MYO16: variants seen among roughly 807,000 people sequenced by gnomAD.
MYO16 encodes unconventional myosin-XVI.
A neutral mutation model predicts 205.3 loss-of-function variants in MYO16; 94 were observed. The observed-to-expected ratio is 0.46, with a 90% confidence interval of 0.39 to 0.54. The LOEUF (loss-of-function observed/expected upper bound fraction) is 0.54. Among genes scored for constraint, MYO16 ranks in the 20% least tolerant of loss-of-function variants. The pLI is 0.00. For missense variants in MYO16, 2,315 were observed against 2,387.5 expected (o/e 0.97, Z 0.63); for synonymous variants, 988 against 954.0 (o/e 1.04, Z -0.66).
At chr13:108,814,229 C>G (rs959391211) in intron 7 of MYO16, among the ~76,000 whole-genome samples, 1 of 152,136 alleles carries the variant, frequency 6.6e-6, no homozygotes, top group Non-Finnish European at 1.5e-5. Flanking sequence ...TTATTAGACT[C>G]TCTGATACTC....
At chr13:109,068,848 C>T (rs1887838196) in intron 27 of MYO16, among the ~76,000 whole-genome samples, 1 of 152,176 alleles carries the variant, frequency 6.6e-6, no homozygotes, top group South Asian at 2.1e-4. Context: ...ACCTTGGCCT[C>T]CCAAAGTGCT....
chr13:109,001,181 T>TAA (rs111881859), intron 21 of MYO16, among the ~76,000 whole-genome samples: 12 of 137,258 alleles, frequency 8.7e-5, no homozygotes, highest in East Asian at 8.3e-4. Flanking sequence ...ATAAAAAATT[T>TAA]AAAAAAAAAA....
At chr13:108,579,366 G>A in the MYO16 span, among the ~76,000 whole-genome samples, 3 of 151,990 alleles carry the variant, frequency 2.0e-5, no homozygotes, top group Non-Finnish European at 1.5e-5. Flanking sequence ...GCCTGGAAGA[G>A]AAATCCGTTT....
intron 31 of MYO16, among the ~76,000 whole-genome samples, chr13:109,137,292 T>A (rs1180836104): frequency 6.6e-6 from 1 of 152,138 alleles, no homozygotes; most frequent in Non-Finnish European, 1.5e-5. Flanking sequence ...GCAGGCAACA[T>A]CATCTTCTAA....
chr13:108,554,632 G>C, the MYO16 span, among the ~76,000 whole-genome samples: 1 of 152,094 alleles, frequency 6.6e-6, no homozygotes, highest in East Asian at 1.9e-4. Flanking sequence ...GGCGGATCAC[G>C]ATGTCAGGAG....
intron 4 of MYO16, among the ~76,000 whole-genome samples, chr13:108,727,918 A>G (rs1369198460): frequency 6.6e-6 from 1 of 152,242 alleles, no homozygotes; most frequent in East Asian, 1.9e-4. Flanking sequence ...AAGAGGCATA[A>G]CATTATAAGG....
intron 4 of MYO16, among the ~76,000 whole-genome samples, chr13:108,776,803 T>C (rs1252351205): frequency 1.3e-5 from 2 of 152,178 alleles, no homozygotes; most frequent in African/African-American, 4.8e-5. Flanking sequence ...ACAACAACTC[T>C]GGGAGAATTA....
intron 2 of MYO16, among the ~76,000 whole-genome samples, chr13:108,697,782 G>C (rs369387124): frequency 7.2e-5 from 11 of 152,026 alleles, no homozygotes; most frequent in African/African-American, 2.7e-4. Context: ...GAGTGCAGTG[G>C]TGTGATCCCA....
upstream of MYO16, among the ~76,000 whole-genome samples, chr13:108,594,407 G>A (rs1206242711): frequency 6.6e-6 from 1 of 151,014 alleles, no homozygotes; most frequent in Non-Finnish European, 1.5e-5. Flanking sequence ...AGGTCGTGGT[G>A]GAGAGCACTG....
At chr13:108,595,195 A>T (rs77405785), upstream of MYO16, among the ~76,000 whole-genome samples, 1 of 152,120 alleles carries the variant, frequency 6.6e-6, no homozygotes, top group East Asian at 1.9e-4. Flanking sequence ...ATACATATGG[A>T]TTTCTTTCAG....
chr13:109,029,534 A>G (rs1015353893), intron 23 of MYO16, among the ~76,000 whole-genome samples: 2 of 152,162 alleles, frequency 1.3e-5, no homozygotes, highest in Non-Finnish European at 2.9e-5. Flanking sequence ...ATTAAAAAAC[A>G]AAAAACATGA....
At chr13:108,676,403 G>GTGTGTGTGTGTGTGTGTT (rs143639000) in intron 2 of MYO16, among the ~76,000 whole-genome samples, 451 of 148,318 alleles carry the variant, frequency 3.0e-3, no homozygotes, top group Non-Finnish European at 3.5e-3. Context: ...GTGTGTGTGT[G>GTGTGTGTGTGTGTGTGTT]TGTGCCAGCC....
rs781553032 is a variant in MYO16, at chr13:109,140,237, C to T, written c.4052-27C>T. On this transcript the variant is annotated intron_variant, in intron 31 of 34. Transcript: ENST00000457511. This position sits in a 1 kb window ranked among gnomAD's most constrained non-coding sequence, Gnocchi z 8.0. ...GCACCCGTGGGCCTGGCCTGGCACC[C>T]ACTGACCGCGTCCTTTCCTGCCGCA... The T allele has an allele frequency of 1.3e-6, 2 of 1,596,126 alleles. No individual in the cohort carries two copies. Among genetic ancestry groups the T allele is most frequent in the Non-Finnish European group, 1.7e-6 (2 of 1,177,988 alleles).
intron 22 of MYO16, among the ~76,000 whole-genome samples, chr13:109,014,443 A>G (rs1410927082): frequency 6.6e-6 from 1 of 152,184 alleles, no homozygotes. Context: ...TGTCTTGGCA[A>G]TGCGGGCTCT....
intron 32 of MYO16, among the ~76,000 whole-genome samples, chr13:109,158,636 T>A (rs1452699063): frequency 6.6e-6 from 1 of 152,210 alleles, no homozygotes; most frequent in South Asian, 2.1e-4. Context: ...GATTTCATCA[T>A]GTAGATTATG....
At chr13:108,942,337 T>C (rs1243247748) in intron 16 of MYO16, among the ~76,000 whole-genome samples, 1 of 152,224 alleles carries the variant, frequency 6.6e-6, no homozygotes, top group African/African-American at 2.4e-5. Context: ...GTGTTAATAA[T>C]GTTTGAAGAA....
At chr13:108,792,808 A>C (rs750205244) in intron 5 of MYO16, among the ~76,000 whole-genome samples, 3 of 152,140 alleles carry the variant, frequency 2.0e-5, no homozygotes, top group Non-Finnish European at 4.4e-5. Context: ...CACAGTGCCC[A>C]GCCTAAAGTC....
At chr13:109,145,083 G>C (rs1484270318) in intron 32 of MYO16, among the ~76,000 whole-genome samples, 1 of 152,218 alleles carries the variant, frequency 6.6e-6, no homozygotes, top group Non-Finnish European at 1.5e-5. Flanking sequence ...GCAGATGATG[G>C]ATGTGACTGC....
the MYO16 span, among the ~76,000 whole-genome samples, chr13:108,510,186 G>T: frequency 6.6e-6 from 1 of 151,896 alleles, no homozygotes; most frequent in Non-Finnish European, 1.5e-5. Flanking sequence ...GCGCTATCTC[G>T]GCTCACTGCA....
Sources: allele counts gnomAD v4.1 joint callset (sites outside exome capture counted in the v4.1 genomes callset), GRCh38; gene constraint gnomAD v4.1.1; non-coding constraint Gnocchi (gnomAD v3.1); transcripts MANE v1.5; gene names NCBI Gene and HGNC (gene_info 2026-07-23, HGNC 2026-07-21).